The following SNTG2 variants were observed in gnomAD, a reference collection of about 807,000 sequenced individuals.
SNTG2 encodes the protein syntrophin gamma 2, also known as gamma-2-syntrophin.
Under a neutral mutation model 70.9 loss-of-function variants are expected in SNTG2, and 74 were observed. The observed-to-expected ratio is 1.04, with a 90% CI of 0.86 to 1.27. The LOEUF (loss-of-function observed/expected upper bound fraction) is 1.27. Among genes scored for constraint, SNTG2 ranks in the 50% most tolerant of loss-of-function variants. The pLI is 0.00. For synonymous variants in SNTG2, 278 were observed against 273.8 expected, an observed-to-expected ratio of 1.02 and a Z score of -0.15; for missense variants, 717 against 690.7, an observed-to-expected ratio of 1.04 and a Z score of -0.43.
At chr2:1,305,798 G>A (rs1225418092) in intron 14 of SNTG2, among the ~76,000 whole-genome samples, 1 of 152,134 alleles carries the variant, frequency 6.6e-6, no homozygotes, top group African/African-American at 2.4e-5. Context: ...AGCCCCTTTG[G>A]AGATTATGCA....
chr2:1,054,282 G>C (rs945466989), intron 1 of SNTG2, among the ~76,000 whole-genome samples: 83 of 146,084 alleles, frequency 5.7e-4, no homozygotes, highest in African/African-American at 1.9e-3. Flanking sequence ...CCACCCAAGA[G>C]AGGCGGCCCA....
At chr2:1,337,884 G>C (rs1311686299) in intron 16 of SNTG2, among the ~76,000 whole-genome samples, 1 of 152,032 alleles carries the variant, frequency 6.6e-6, no homozygotes, top group Non-Finnish European at 1.5e-5. Flanking sequence ...TTTATATATG[G>C]TATAAGGTAA....
At chr2:1,222,051 C>G (rs1553362150) in intron 9 of SNTG2, among the ~76,000 whole-genome samples, 2 of 15,816 alleles carry the variant, frequency 1.3e-4, no homozygotes, top group African/African-American at 5.5e-4. Flanking sequence ...CTCTCTGTCT[C>G]TCTCTGTCTC....
chr2:1,313,708 C>T (rs1297634276), intron 15 of SNTG2, among the ~76,000 whole-genome samples: 1 of 152,122 alleles, frequency 6.6e-6, no homozygotes, highest in Non-Finnish European at 1.5e-5. Context: ...CACGTCCGGC[C>T]ACACAGCTCT....
intron 1 of SNTG2, among the ~76,000 whole-genome samples, chr2:976,272 A>G (rs1021453090): frequency 3.3e-5 from 5 of 152,192 alleles, no homozygotes; most frequent in South Asian, 2.1e-4. Flanking sequence ...ATGAAATAAC[A>G]TTTGTGTTTG....
Position 966,966 on chromosome 2 carries a change from C to A in SNTG2, c.72+15898C>A, listed in dbSNP as rs368038972. On this transcript the variant is annotated intron_variant, in intron 1 of 16. Coordinates refer to ENST00000308624, the MANE Select transcript of SNTG2 (RefSeq NM_018968.4). ...TGTCTCAAACAAACAAACAAACAAACAAAAAAACAAATAATAGTTTAATGG... is the reference window on the plus strand; with the variant it reads ...TGTCTCAAACAAACAAACAAACAAAAAAAAAAACAAATAATAGTTTAATGG... Among the ~76,000 whole-genome samples the A allele has an allele frequency of 6.2e-3, 917 of 147,430 alleles. 16 individuals are homozygous for A. Among genetic ancestry groups the A allele is most frequent in the African/African-American group, 0.021 (857 of 40,078 alleles).
At chr2:1,176,381 C>A (rs1034342539) in intron 8 of SNTG2, among the ~76,000 whole-genome samples, 6 of 135,866 alleles carry the variant, frequency 4.4e-5, no homozygotes, top group African/African-American at 1.3e-4. Context: ...AAGAAATAAC[C>A]TGTATAACAA....
intron 9 of SNTG2, among the ~76,000 whole-genome samples, chr2:1,235,249 C>T: frequency 7.8e-6 from 1 of 128,438 alleles, no homozygotes; most frequent in Non-Finnish European, 1.7e-5. Context: ...CGCCCCTACC[C>T]CATGCTGCCC....
intron 14 of SNTG2, among the ~76,000 whole-genome samples, chr2:1,306,147 G>A (rs965834351): frequency 6.6e-6 from 1 of 152,194 alleles, no homozygotes; most frequent in African/African-American, 2.4e-5. Context: ...GGCAAGGGGA[G>A]CTGGCTGGTA....
intron 1 of SNTG2, among the ~76,000 whole-genome samples, chr2:1,066,111 C>G (rs1663131760): frequency 6.6e-6 from 1 of 152,122 alleles, no homozygotes; most frequent in Non-Finnish European, 1.5e-5. Flanking sequence ...CCATTACAAG[C>G]AATACATTTT....
At position 1,048,166 on chromosome 2, in the gene SNTG2, G is replaced by A. The variant is rs572408568; in HGVS notation, c.73-35352G>A. On this transcript the variant is annotated intron_variant, in intron 1 of 16. Coordinates refer to ENST00000308624, the MANE Select transcript of SNTG2 (RefSeq NM_018968.4). ...TCGCATTGTCTCTTTCTATTGATAA[G>A]TTTCTACAAAATGCCTACTTTTTGT... 8.2e-4 allele frequency among the ~76,000 whole-genome samples: 124 copies of A among 151,832 alleles called. 3 individuals are homozygous for A. The South Asian group carries it at 0.019, about 23-fold the overall frequency.
chr2:1,242,888 T>A (rs531220439), intron 11 of SNTG2: 1 of 152,334 alleles, frequency 6.6e-6, no homozygotes, highest in African/African-American at 2.4e-5. Flanking sequence ...TATGACATCC[T>A]TATTAAGGTG....
chr2:1,269,529 AGGTATAG>A (rs1192007291), intron 14 of SNTG2, among the ~76,000 whole-genome samples: 4 of 151,930 alleles, frequency 2.6e-5, no homozygotes, highest in African/African-American at 9.7e-5. Context: ...TCAAAAAAAA[AGGTATAG>A]GGTAGGGTGG....
At chr2:1,334,244 A>C (rs545568274) in intron 16 of SNTG2, among the ~76,000 whole-genome samples, 29 of 152,262 alleles carry the variant, frequency 1.9e-4, no homozygotes, top group African/African-American at 7.0e-4. Flanking sequence ...CACAACATAT[A>C]AGCTACCTTA....
chr2:1,253,885 A>G (rs1435043408), intron 12 of SNTG2, among the ~76,000 whole-genome samples: 13 of 152,108 alleles, frequency 8.5e-5, no homozygotes, highest in Non-Finnish European at 1.6e-4. Context: ...TCACACTTTT[A>G]AACAATCAGA....
At chr2:1,137,076 G>A (rs1220851417) in intron 4 of SNTG2, among the ~76,000 whole-genome samples, 1 of 152,218 alleles carries the variant, frequency 6.6e-6, no homozygotes, top group Non-Finnish European at 1.5e-5. Flanking sequence ...TGACTGGAAG[G>A]CAGCTCTCTT....
At chr2:1,260,346 T>C (rs1041130044) in intron 13 of SNTG2, among the ~76,000 whole-genome samples, 4 of 152,242 alleles carry the variant, frequency 2.6e-5, no homozygotes, top group Admixed American at 6.5e-5. Flanking sequence ...TACATTTCCA[T>C]AATAATATTA....
intron 14 of SNTG2, among the ~76,000 whole-genome samples, chr2:1,274,135 A>T (rs1679173622): frequency 6.6e-6 from 1 of 152,236 alleles, no homozygotes; most frequent in African/African-American, 2.4e-5. Context: ...TAAAAGACTG[A>T]TGATGCCAAG....
chr2:1,185,785 C>A (rs1255924376), intron 8 of SNTG2, among the ~76,000 whole-genome samples: 1 of 152,306 alleles, frequency 6.6e-6, no homozygotes, highest in South Asian at 2.1e-4. Context: ...ATGGGATGGA[C>A]TGCTAAGAAG....
Sources: gnomAD v4.1 joint callset for allele counts (sites outside exome capture counted in the v4.1 genomes callset) on GRCh38, gnomAD v4.1.1 for gene constraint, MANE v1.5 for transcripts, NCBI Gene and HGNC (gene_info 2026-07-23, HGNC 2026-07-21) for gene names.